The following SMARCE1 variants were observed in gnomAD, a reference collection of about 807,000 sequenced individuals.
SMARCE1 encodes the protein SWI/SNF-related matrix-associated actin-dependent regulator of chromatin subfamily E member 1.
Under a neutral mutation model 54.9 loss-of-function variants are expected in SMARCE1, and 13 were observed. The ratio of observed to expected loss-of-function variants is 0.24; its 90% CI spans 0.15 to 0.38. The LOEUF (loss-of-function observed/expected upper bound fraction) is 0.38. SMARCE1 is among the 10% of genes least tolerant of loss of function. The probability of loss-of-function intolerance (pLI) is 1.00; values close to 1 mark genes in which losing one functional copy is unlikely to be tolerated. For synonymous variants in SMARCE1, 151 were observed against 175.3 expected (o/e 0.86, Z 1.10); for missense variants, 295 against 523.8 (o/e 0.56, Z 4.26).
At chr17:40,630,538 A>C (rs1208691836) in intron 10 of SMARCE1, 176 bp downstream of exon 10, 1 of 655,020 alleles carries the variant, frequency 1.5e-6, no homozygotes, top group Non-Finnish European at 2.7e-6. Flanking sequence ...ATCTTGATAA[A>C]TAATGTAAGC....
At chr17:40,629,529 T>C (rs1185878461) in intron 10 of SMARCE1, 1 of 1,226,320 alleles carries the variant, frequency 8.2e-7, no homozygotes, top group Non-Finnish European at 1.0e-6. Context: ...ATAAGGTTGG[T>C]CTTTTAGACA....
rs187766421 is a variant in SMARCE1, at chr17:40,637,887, A to C, written c.157-315T>G. On this transcript the variant is annotated intron_variant, in intron 4 of 10. Coordinates refer to ENST00000348513, the MANE Select transcript of SMARCE1 (RefSeq NM_003079.5). ...ATATCAACCGTCTCAAGTTCAGGAC[A>C]TTACCTGGTACCCTCTTATTCTGCT... is the stretch of plus-strand genomic sequence containing the variant. 2.9e-3 allele frequency among the ~76,000 whole-genome samples: 436 copies of C among 152,284 alleles called. 3 individuals are homozygous for C. The highest frequency in any genetic ancestry group is 8.9e-3 in the Admixed American group (136 of 15,298).
chr17:40,645,566 T>G lies in SMARCE1; in HGVS notation c.51+10A>C, dbSNP rs898142232. ...TTGGCTATTACATTAACAAGAAAATTAAAACTTACTGTTGCAGGAGCTGGG... is the reference window on the plus strand; with the variant it reads ...TTGGCTATTACATTAACAAGAAAATGAAAACTTACTGTTGCAGGAGCTGGG... On this transcript the variant is annotated intron_variant, in intron 3 of 10. Transcript: ENST00000348513. 6.4e-7 allele frequency: 1 copy of G among 1,560,150 alleles called. No homozygotes were observed. The highest frequency in any genetic ancestry group is 8.6e-7 in the Non-Finnish European group (1 of 1,160,122).
chr17:40,630,291 A>G (rs1298446088), intron 10 of SMARCE1: 3 of 1,294,172 alleles, frequency 2.3e-6, no homozygotes, highest in Non-Finnish European at 3.3e-6. Context: ...TTTTTTCTGT[A>G]AAGAGCCAGA....
rs1249398913 is a variant in SMARCE1 at position 40,643,898 on chromosome 17, T to A, written c.52-1339A>T. ...TTAAGTAGGCAAAACACAGTTGAAG[T>A]ATCAAAGGCATGAAAGAAGTGTATA... On this transcript the variant is annotated intron_variant, in intron 3 of 10. Coordinates refer to ENST00000348513, the MANE Select transcript of SMARCE1 (RefSeq NM_003079.5). 3 of 152,466 alleles carry A rather than the reference T, an allele frequency of 2.0e-5. No individual in the cohort carries two copies. In the East Asian group the frequency reaches 5.8e-4, roughly 29 times the overall value. 9.4% of individuals were successfully genotyped at this position (152,466 alleles called of 1,614,324 possible). A position where few individuals can be genotyped will look rare whatever the true frequency, so the allele number is the denominator to read the frequency against.
At chr17:40,637,369 T>G (rs2037156886) in intron 5 of SMARCE1, 123 bp downstream of exon 5, 1 of 799,918 alleles carries the variant, frequency 1.3e-6, no homozygotes, top group Non-Finnish European at 2.2e-6. Context: ...AAAAACCGTA[T>G]TTTTTTGGAC....
chr17:40,645,355 G>T, intron 3 of SMARCE1: 1 of 436,212 alleles, frequency 2.3e-6, no homozygotes, highest in Non-Finnish European at 4.0e-6. Context: ...CTGAGCACAG[G>T]AGGTTGGAGT....
intron 4 of SMARCE1, among the ~76,000 whole-genome samples, chr17:40,638,026 T>C (rs2144000420): frequency 1.3e-5 from 2 of 152,316 alleles, no homozygotes; most frequent in South Asian, 4.1e-4. Context: ...GCACTAGGAA[T>C]GTACTCCCAA....
chr17:40,631,824 C>A, intron 8 of SMARCE1, 131 bp from the exon 9 acceptor site: 1 of 593,324 alleles, frequency 1.7e-6, no homozygotes. Context: ...TTAAAAAATA[C>A]AAAATGCAGC....
chr17:40,636,627 A>G, intron 5 of SMARCE1, 101 bp from the exon 6 acceptor site: 3 of 914,816 alleles, frequency 3.3e-6, no homozygotes, highest in Non-Finnish European at 5.0e-6. Context: ...CAAAGCAGAG[A>G]AAACAGTATC....
chr17:40,630,456 G>C, intron 10 of SMARCE1: 1 of 631,552 alleles, frequency 1.6e-6, no homozygotes, highest in South Asian at 2.0e-5. Flanking sequence ...GGCAGGATTG[G>C]CTTACAGGTA....
rs2037036326 is a variant in SMARCE1 at position 40,626,479 on chromosome 17, TCTAAA to T, written c.*2301_*2305del. 1 of 152,164 alleles carries T rather than the reference TCTAAA, an allele frequency of 6.6e-6. No homozygotes were observed. The allele number at this position is 152,164 out of a possible 1,614,324, so 9.4% of individuals were successfully genotyped here. ...AAGACCTCTACCATATCCCACATTC[TCTAAA>T]CTGAGAACCATCTCAAACATCAAGT... On this transcript the variant is annotated 3_prime_UTR_variant, in exon 11 of 11. Coordinates refer to ENST00000348513, the MANE Select transcript of SMARCE1 (RefSeq NM_003079.5).
intron 7 of SMARCE1, chr17:40,635,494 T>TA (rs1234419904): frequency 6.5e-6 from 1 of 153,600 alleles, no homozygotes; most frequent in Non-Finnish European, 1.4e-5. Flanking sequence ...TATACATTCT[T>TA]ATTGGATTTC....
chr17:40,626,879 A>C lies in SMARCE1; in HGVS notation c.*1906T>G, dbSNP rs764569696. 1 of 152,108 alleles carries C rather than the reference A, an allele frequency of 6.6e-6. No individual in the cohort carries two copies. The highest frequency in any genetic ancestry group is 1.5e-5 in the Non-Finnish European group (1 of 68,040). The allele number at this position is 152,108 out of a possible 1,614,324, so 9.4% of individuals were successfully genotyped here. A position where few individuals can be genotyped will look rare whatever the true frequency, so the allele number is the denominator to read the frequency against. On this transcript the variant is annotated 3_prime_UTR_variant, in exon 11 of 11. Coordinates refer to ENST00000348513, the MANE Select transcript of SMARCE1 (RefSeq NM_003079.5). ...GACAGATTGAGACGTCTCCCATCTG[A>C]CTTAATTCCCTCATCAACTGATTGC...
At chr17:40,635,851 T>C (rs80319663) in intron 7 of SMARCE1, 80 bp downstream of exon 7, 2 of 1,075,684 alleles carry the variant, frequency 1.9e-6, no homozygotes, top group Non-Finnish European at 2.6e-6. Flanking sequence ...GGATAAGAAA[T>C]AAAAACTTAT....
rs2037036705 is a variant in SMARCE1 at position 40,626,516 on chromosome 17, A to AT, written c.*2268dup. ...ACCATCTCAAACATCAAGTCTACAT[A>AT]TATCACTCTGACCAAGTGGATTTTT... On this transcript the variant is annotated 3_prime_UTR_variant, in exon 11 of 11. Transcript: ENST00000348513. The AT allele has an allele frequency of 6.6e-6, 1 of 152,316 alleles. No individual in the cohort carries two copies. The highest frequency in any genetic ancestry group is 2.4e-5 in the African/African-American group (1 of 41,560). The allele number at this position is 152,316 out of a possible 1,614,324, so 9.4% of individuals were successfully genotyped here. A position where few individuals can be genotyped will look rare whatever the true frequency, so the allele number is the denominator to read the frequency against.
At position 40,642,286 on chromosome 17, in the gene SMARCE1, T is replaced by C. The variant is rs2037206770; in HGVS notation, c.156+169A>G. 1.5e-6 allele frequency: 1 copy of C among 677,386 alleles called. No homozygotes were observed. The highest frequency in any genetic ancestry group is 1.6e-5 in the South Asian group (1 of 62,836). 42.0% of individuals were successfully genotyped at this position (677,386 alleles called of 1,614,324 possible). On this transcript the variant is annotated intron_variant, in intron 4 of 10. Transcript: ENST00000348513. This position sits in a 1 kb window ranked among gnomAD's most constrained non-coding sequence, Gnocchi z 4.6. ...CTATATACATTCCAGATCTCACTAT[T>C]TATTTTTTCAGTGTGAGATGCTACA...
chr17:40,635,899 G>C, intron 7 of SMARCE1, 32 bp downstream of exon 7: 1 of 1,482,226 alleles, frequency 6.7e-7, no homozygotes, highest in Non-Finnish European at 9.1e-7. Flanking sequence ...CACAGAGAAA[G>C]CATAAACAAA....
rs747774987 is a variant in SMARCE1, at chr17:40,637,537, C to T, written c.192G>A (p.Lys64=). The change falls in exon 5 of 11, where the codon AAG becomes AAA. Residue 64 remains lysine, a synonymous_variant. Transcript: ENST00000348513. The part of the protein sequence containing the change: ...SSGITIPKPP[K]PPDKPLMPYM... ...AGGGCATCAGCGGCTTATCTGGTGG[C>T]TTTGGGGGTTTTGGAATCGTGATAC... The T allele has an allele frequency of 6.2e-7, 1 of 1,613,516 alleles. No homozygotes were observed. Among genetic ancestry groups the T allele is most frequent in the East Asian group, 2.2e-5 (1 of 44,874 alleles).
Sources: allele counts gnomAD v4.1 joint callset (sites outside exome capture counted in the v4.1 genomes callset), GRCh38; gene constraint gnomAD v4.1.1; non-coding constraint Gnocchi (gnomAD v3.1); transcripts MANE v1.5; gene names NCBI Gene and HGNC (gene_info 2026-07-23, HGNC 2026-07-21).